Variants in TMEM132D observed in about 807,000 individuals in gnomAD.
TMEM132D encodes transmembrane protein 132D, also known as mature OL transmembrane protein.
A neutral mutation model predicts 62.3 loss-of-function variants in TMEM132D; 21 were observed. That is an observed-to-expected ratio of 0.34 (90% CI 0.24 to 0.49). TMEM132D has a LOEUF of 0.49. Among genes scored for constraint, TMEM132D ranks in the 20% least tolerant of loss-of-function variants. TMEM132D has a pLI of 0.99. For synonymous variants in TMEM132D, 621 were observed against 575.6 expected (o/e 1.08, Z -1.13); for missense variants, 1,346 against 1,402.8 (o/e 0.96, Z 0.65).
At chr12:129,094,221 A>G (rs1051082217) in intron 5 of TMEM132D, among the ~76,000 whole-genome samples, 5 of 152,246 alleles carry the variant, frequency 3.3e-5, no homozygotes, top group African/African-American at 1.2e-4. Flanking sequence ...CAGCAAAAGA[A>G]ACTACCATCA....
intron 3 of TMEM132D, among the ~76,000 whole-genome samples, chr12:129,495,635 G>A (rs1874928613): frequency 6.6e-6 from 1 of 152,178 alleles, no homozygotes; most frequent in Admixed American, 6.5e-5. Context: ...TTCTCCCTGA[G>A]CTGCTCCCAC....
intron 5 of TMEM132D, among the ~76,000 whole-genome samples, chr12:129,161,426 A>G (rs1229081793): frequency 6.6e-6 from 1 of 152,240 alleles, no homozygotes; most frequent in Non-Finnish European, 1.5e-5. Context: ...TTAGTATCGT[A>G]ACCGACTTAT....
intron 3 of TMEM132D, among the ~76,000 whole-genome samples, chr12:129,443,665 T>A (rs573358533): frequency 6.6e-6 from 1 of 152,060 alleles, no homozygotes; most frequent in East Asian, 1.9e-4. Context: ...ATTTCTTAAT[T>A]TCCTAAACAA....
At chr12:129,547,660 C>T (rs961970314) in intron 2 of TMEM132D, among the ~76,000 whole-genome samples, 1 of 152,186 alleles carries the variant, frequency 6.6e-6, no homozygotes, top group Non-Finnish European at 1.5e-5. Context: ...ACAGGATGTT[C>T]TCCAACTAGA....
intron 5 of TMEM132D, among the ~76,000 whole-genome samples, chr12:129,187,852 G>T (rs1332982182): frequency 6.6e-6 from 1 of 152,226 alleles, no homozygotes; most frequent in Non-Finnish European, 1.5e-5. Flanking sequence ...TAGTAAAGAA[G>T]TATTTTCTGG....
chr12:129,452,694 AAAG>A (rs1273858155), intron 3 of TMEM132D, among the ~76,000 whole-genome samples: 1 of 149,884 alleles, frequency 6.7e-6, no homozygotes, highest in African/African-American at 2.5e-5. Flanking sequence ...AGGAAGAAAA[AAAG>A]AAGAAAAGAA....
At chr12:129,100,067 G>A (rs557188640) in intron 5 of TMEM132D, among the ~76,000 whole-genome samples, 3 of 151,684 alleles carry the variant, frequency 2.0e-5, no homozygotes, top group East Asian at 1.9e-4. Flanking sequence ...TTGGGACAGA[G>A]TCTCGCTCTG....
intron 3 of TMEM132D, among the ~76,000 whole-genome samples, chr12:129,525,239 T>TG (rs960073780): frequency 7.4e-6 from 1 of 134,512 alleles, no homozygotes. Context: ...TTTTTTTTTT[T>TG]TTTTTTTTTT....
At chr12:129,088,338 T>C (rs369687055) in intron 5 of TMEM132D, among the ~76,000 whole-genome samples, 159 of 12,602 alleles carry the variant, frequency 0.013, 30 homozygotes, top group Non-Finnish European at 0.018. Context: ...GGGTGTCCTC[T>C]ATGACCGGGT....
At chr12:129,395,697 A>C (rs1261933079) in intron 3 of TMEM132D, among the ~76,000 whole-genome samples, 1 of 104,858 alleles carries the variant, frequency 9.5e-6, no homozygotes, top group Non-Finnish European at 2.1e-5. Flanking sequence ...ATATCTACAT[A>C]GATATATCTG....
At chr12:129,632,690 G>C (rs1299080456) in intron 2 of TMEM132D, among the ~76,000 whole-genome samples, 1 of 152,138 alleles carries the variant, frequency 6.6e-6, no homozygotes, top group Non-Finnish European at 1.5e-5. Context: ...CTACCCAACT[G>C]TCAAAGATAA....
Position 129,903,350 on chromosome 12 carries a change from C to A in TMEM132D, c.-11G>T. On this transcript the variant is annotated 5_prime_UTR_variant, in exon 1 of 9. Transcript: ENST00000422113. This position sits in a 1 kb window ranked among gnomAD's most constrained non-coding sequence, Gnocchi z 6.2. ...CTCAGACGGGCACATCCTGGAGACC[C>A]GGAGCGCAGATCCTCCGCTCCCCGG... 1 of 1,551,540 alleles carries A rather than the reference C, an allele frequency of 6.4e-7. No individual in the cohort carries two copies. The highest frequency in any genetic ancestry group is 8.7e-7 in the Non-Finnish European group (1 of 1,147,004).
At chr12:129,585,590 C>G (rs1878003114) in intron 2 of TMEM132D, among the ~76,000 whole-genome samples, 1 of 152,132 alleles carries the variant, frequency 6.6e-6, no homozygotes, top group East Asian at 1.9e-4. Flanking sequence ...AATGACTGGA[C>G]AGTTGTGTGA....
At chr12:129,765,995 G>A (rs1001516031) in intron 1 of TMEM132D, among the ~76,000 whole-genome samples, 4 of 152,164 alleles carry the variant, frequency 2.6e-5, no homozygotes, top group Non-Finnish European at 5.9e-5. Flanking sequence ...TTGTGGATGG[G>A]TGGCGCCCTT....
Position 129,602,216 on chromosome 12 carries a change from G to T in TMEM132D, c.969-71011C>A, listed in dbSNP as rs1036831062. Among the ~76,000 whole-genome samples, 3 of 152,170 alleles carry T rather than the reference G, an allele frequency of 2.0e-5. No homozygotes were observed. The East Asian group carries it at 5.8e-4, about 29-fold the overall frequency. On this transcript the variant is annotated intron_variant, in intron 2 of 8. Coordinates refer to ENST00000422113, the MANE Select transcript of TMEM132D (RefSeq NM_133448.3). ...AAACTGAAAACTAGACCGCCTGTATGCAAGTATTATATCCACACTATAGGC... is the reference window on the plus strand; with the variant it reads ...AAACTGAAAACTAGACCGCCTGTATTCAAGTATTATATCCACACTATAGGC...
At chr12:129,487,516 T>G (rs1874620203) in intron 3 of TMEM132D, among the ~76,000 whole-genome samples, 1 of 152,136 alleles carries the variant, frequency 6.6e-6, no homozygotes, top group African/African-American at 2.4e-5. Context: ...CGGCAGTGCC[T>G]GGAACTTCCT....
chr12:129,393,868 C>T (rs117438223), intron 3 of TMEM132D, among the ~76,000 whole-genome samples: 2,044 of 152,266 alleles, frequency 0.013, 22 homozygotes, highest in Middle Eastern at 0.034. Flanking sequence ...GTTACTGTGG[C>T]TGAGACATTC....
At chr12:129,438,565 A>T (rs1872853861) in intron 3 of TMEM132D, among the ~76,000 whole-genome samples, 1 of 152,154 alleles carries the variant, frequency 6.6e-6, no homozygotes, top group Non-Finnish European at 1.5e-5. Flanking sequence ...CCAAAAACAG[A>T]GACACAAGTC....
chr12:129,838,201 T>C (rs1185456990), intron 1 of TMEM132D, among the ~76,000 whole-genome samples: 1 of 152,206 alleles, frequency 6.6e-6, no homozygotes, highest in Non-Finnish European at 1.5e-5. Context: ...TGAGCTGCTG[T>C]TAACTCAGAA....
Sources: gnomAD v4.1 joint callset for allele counts (sites outside exome capture counted in the v4.1 genomes callset) on GRCh38, gnomAD v4.1.1 for gene constraint, Gnocchi (gnomAD v3.1) non-coding constraint, MANE v1.5 for transcripts, NCBI Gene and HGNC (gene_info 2026-07-23, HGNC 2026-07-21) for gene names.